Variants in COG3 observed in about 807,000 individuals in gnomAD.
COG3 encodes the protein conserved oligomeric Golgi complex subunit 3.
COG3 carries 32 observed loss-of-function variants against 114.1 expected under a neutral mutation model. That is an observed-to-expected ratio of 0.28 (90% CI 0.21 to 0.38). The LOEUF (loss-of-function observed/expected upper bound fraction) is 0.38, where lower values mean the gene tolerates loss of function less well. Among genes scored for constraint, COG3 ranks in the 10% least tolerant of loss-of-function variants. The probability of loss-of-function intolerance (pLI) is 1.00; values close to 1 mark genes in which losing one functional copy is unlikely to be tolerated. For synonymous variants in COG3, 352 were observed against 365.7 expected (o/e 0.96, Z 0.43); for missense variants, 813 against 973.2 (o/e 0.84, Z 2.19).
At chr13:45,488,112 A>G (rs1460108835) in intron 8 of COG3, among the ~76,000 whole-genome samples, 2 of 152,232 alleles carry the variant, frequency 1.3e-5, no homozygotes, top group African/African-American at 4.8e-5. Context: ...AAGTTAGTAA[A>G]ATAAGCCAGA....
Position 45,516,152 on chromosome 13 carries a change from G to C in COG3, c.1819G>C (p.Asp607His). ...ESISKNKTQI[D>H]GQLFLIKHLL... ...CTGTCTTATAATTTAGACTCAGATT[G>C]ATGGACAACTTTTCTTAATTAAGCA... is the stretch of plus-strand genomic sequence containing the variant. The change falls in exon 17 of 23, where the codon GAT becomes CAT. Residue 607 changes from aspartate (D) to histidine (H), a missense_variant. This residue lies in a region of COG3 where 389 missense variants were observed against 542.6 expected (regional missense o/e 0.72). Coordinates refer to ENST00000349995, the MANE Select transcript of COG3 (RefSeq NM_031431.4). 6.4e-7 allele frequency: 1 copy of C among 1,567,572 alleles called. No homozygotes were observed. Among genetic ancestry groups the C allele is most frequent in the South Asian group, 1.2e-5 (1 of 83,510 alleles).
At chr13:45,509,865 T>A (rs767707879) in intron 15 of COG3, 49 bp downstream of exon 15, 19 of 1,460,100 alleles carry the variant, frequency 1.3e-5, no homozygotes, top group Admixed American at 2.0e-5. Flanking sequence ...TTGAAATATT[T>A]TTAAATTTAC....
chr13:45,477,924 C>T (rs1195117593), intron 2 of COG3, among the ~76,000 whole-genome samples: 3 of 152,060 alleles, frequency 2.0e-5, no homozygotes, highest in African/African-American at 7.2e-5. Context: ...CCATTCCCGG[C>T]CCCACAGTCC....
chr13:45,502,407 C>T (rs1025814419), intron 13 of COG3, among the ~76,000 whole-genome samples: 3 of 152,084 alleles, frequency 2.0e-5, no homozygotes, highest in Non-Finnish European at 4.4e-5. Flanking sequence ...CTGGATGCTC[C>T]CTTGTGTAGT....
intron 22 of COG3, among the ~76,000 whole-genome samples, chr13:45,532,574 T>G (rs1418798152): frequency 4.5e-5 from 3 of 65,986 alleles, no homozygotes; most frequent in East Asian, 7.8e-4. Context: ...TTTTTTTTTT[T>G]TTTTTTTTTT....
intron 1 of COG3, among the ~76,000 whole-genome samples, chr13:45,467,545 T>C (rs1209640683): frequency 2.0e-5 from 3 of 152,248 alleles, no homozygotes; most frequent in Admixed American, 6.5e-5. Flanking sequence ...TGAGCCGAGA[T>C]TGCACCACTG....
In COG3 at chr13:45,511,816, T is replaced by G; in HGVS notation, c.1771T>G (p.Ser591Ala). 6.2e-7 allele frequency: 1 copy of G among 1,614,078 alleles called. No individual in the cohort carries two copies. The highest frequency in any genetic ancestry group is 8.5e-7 in the Non-Finnish European group (1 of 1,179,956). The change falls in exon 16 of 23, where the codon TCC becomes GCC. Residue 591 changes from serine to alanine, a missense_variant. Transcript: ENST00000349995. Reference protein sequence around the residue: ...SQEALSACIQSLLGASESISK... With the variant: ...SQEALSACIQALLGASESISK... Reference sequence around the variant, plus strand: ...GGAAGCATTGTCTGCCTGCATTCAGTCCTTACTTGGAGCGTCAGAGTCTAT... The same window carrying G: ...GGAAGCATTGTCTGCCTGCATTCAGGCCTTACTTGGAGCGTCAGAGTCTAT...
At chr13:45,472,492 C>A (rs1037384661) in intron 1 of COG3, among the ~76,000 whole-genome samples, 3 of 151,870 alleles carry the variant, frequency 2.0e-5, no homozygotes, top group Non-Finnish European at 2.9e-5. Context: ...AATTTGATAC[C>A]ATCACACAAT....
chr13:45,468,786 C>T (rs1315719309), intron 1 of COG3, among the ~76,000 whole-genome samples: 1 of 152,236 alleles, frequency 6.6e-6, no homozygotes, highest in African/African-American at 2.4e-5. Flanking sequence ...ACTGTGTTCT[C>T]TCTCTAGTGG....
chr13:45,476,211 A>T lies in COG3; in HGVS notation c.185A>T (p.Glu62Val), dbSNP rs1566241841. 2 of 1,613,700 alleles carry T rather than the reference A, an allele frequency of 1.2e-6. No individual in the cohort carries two copies. The highest frequency in any genetic ancestry group is 1.7e-6 in the Non-Finnish European group (2 of 1,179,990). Residue 62 changes from glutamate (E) to valine (V), a missense_variant, in exon 2 of 23, where the codon GAA becomes GTA. Glu to Val is a moderately radical substitution (Grantham distance 121). Transcript: ENST00000349995. ...NLPVPAELPI[E>V]DLCSLTSQSL... The stretch of plus-strand genomic sequence containing the variant: ...CTCTCTTTTTTCAAGCTTCCAATTG[A>T]AGACTTGTGCAGTTTAACATCCCAG...
chr13:45,512,458 A>C (rs562313502), intron 16 of COG3, among the ~76,000 whole-genome samples: 2 of 152,192 alleles, frequency 1.3e-5, no homozygotes, highest in African/African-American at 4.8e-5. Context: ...CAGCCTCCCA[A>C]GAATCTGGGA....
At chr13:45,530,963 G>A (rs1283531175) in intron 22 of COG3, 183 bp downstream of exon 22, 1 of 983,626 alleles carries the variant, frequency 1.0e-6, no homozygotes, top group African/African-American at 1.7e-5. Context: ...GATAGTTTTA[G>A]AATTTTCAGT....
Position 45,476,218 on chromosome 13 carries a change from G to A in COG3, c.192G>A (p.Leu64=). Residue 64 remains leucine, a synonymous_variant, in exon 2 of 23, where the codon TTG becomes TTA. Coordinates refer to ENST00000349995, the MANE Select transcript of COG3 (RefSeq NM_031431.4). ...PVPAELPIED[L]CSLTSQSLPI... Reference sequence around the variant, plus strand: ...TTTTCAAGCTTCCAATTGAAGACTTGTGCAGTTTAACATCCCAGTCACTGC... The same window carrying A: ...TTTTCAAGCTTCCAATTGAAGACTTATGCAGTTTAACATCCCAGTCACTGC... 1 of 1,613,692 alleles carries A rather than the reference G, an allele frequency of 6.2e-7. No individual in the cohort carries two copies. The highest frequency in any genetic ancestry group is 8.5e-7 in the Non-Finnish European group (1 of 1,179,880).
At chr13:45,487,734 C>T (rs1382146662) in intron 8 of COG3, among the ~76,000 whole-genome samples, 1 of 152,120 alleles carries the variant, frequency 6.6e-6, no homozygotes, top group Non-Finnish European at 1.5e-5. Context: ...AGACATAAAA[C>T]AAATGCTGGT....
intron 21 of COG3, 62 bp from the exon 22 acceptor site, chr13:45,530,620 A>G: frequency 2.0e-6 from 2 of 985,812 alleles, no homozygotes; most frequent in Admixed American, 1.7e-5. Flanking sequence ...ACAATTTAAC[A>G]TTCATGGTGC....
chr13:45,496,395 A>G (rs1868779607), intron 13 of COG3, 83 bp downstream of exon 13: 1 of 1,063,196 alleles, frequency 9.4e-7, no homozygotes, highest in South Asian at 3.7e-5. Flanking sequence ...AAATTTATAT[A>G]TTAAAATAGA....
intron 20 of COG3, among the ~76,000 whole-genome samples, chr13:45,526,720 T>C (rs1872735726): frequency 6.6e-6 from 1 of 152,244 alleles, no homozygotes; most frequent in Admixed American, 6.5e-5. Context: ...AATAGAAATC[T>C]TTGACATCTT....
chr13:45,530,740 C>T lies in COG3; in HGVS notation c.2417C>T (p.Pro806Leu), dbSNP rs1277037116. 1.9e-6 allele frequency: 3 copies of T among 1,613,432 alleles called. No homozygotes were observed. The highest frequency in any genetic ancestry group is 1.7e-6 in the Non-Finnish European group (2 of 1,179,418). ...GCTCTGTTAAAGGAAGAGTTCAGCC[C>T]TGAAGACATCCAGATCATTGCCTGT... ...FHALLKEEFS[P>L]EDIQIIACPS... is the part of the protein sequence containing the mutation. The change falls in exon 22 of 23, where the codon CCT (proline) becomes CTT (leucine). Residue 806 changes from proline to leucine, a missense_variant. Around this residue, in one of 2 missense-constraint regions of COG3, gnomAD observed 389 missense variants for 542.6 expected, o/e 0.72. Transcript: ENST00000349995.
chr13:45,480,992 T>C (rs1194708253), intron 4 of COG3, among the ~76,000 whole-genome samples: 4 of 152,242 alleles, frequency 2.6e-5, no homozygotes, highest in Admixed American at 6.5e-5. Flanking sequence ...TTTCTCTGTA[T>C]GTACTTTTGT....
Sources: gnomAD v4.1 joint callset for allele counts (sites outside exome capture counted in the v4.1 genomes callset) on GRCh38, gnomAD v4.1.1 for gene constraint, gnomAD v4.1.1 regional missense constraint, MANE v1.5 for transcripts, NCBI Gene and HGNC (gene_info 2026-07-23, HGNC 2026-07-21) for gene names.